Variants in CHN2 observed in about 807,000 individuals in gnomAD.
CHN2 encodes the protein chimerin 2.
In CHN2, 35 loss-of-function variants were observed where a neutral mutation model predicts 56.3. That is an observed-to-expected ratio of 0.62 (90% CI 0.47 to 0.82). The LOEUF is 0.82. Among genes scored for constraint, CHN2 ranks in the 40% least tolerant of loss-of-function variants. The pLI is 0.00. For missense variants in CHN2, 491 were observed against 580.5 expected (o/e 0.85, Z 1.58); for synonymous variants, 210 against 212.8 (o/e 0.99, Z 0.12).
chr7:29,426,758 G>A (rs897106899), intron 6 of CHN2, among the ~76,000 whole-genome samples: 2 of 152,198 alleles, frequency 1.3e-5, no homozygotes, highest in Non-Finnish European at 2.9e-5. Flanking sequence ...ACTCTTATCT[G>A]AGTGCTCTGG....
At chr7:29,488,792 G>A (rs1788330919) in intron 7 of CHN2, among the ~76,000 whole-genome samples, 2 of 152,062 alleles carry the variant, frequency 1.3e-5, no homozygotes, top group Admixed American at 1.3e-4. Context: ...GGCCAGCGAT[G>A]CTGCCAAACA....
chr7:29,419,273 T>C (rs970374193), intron 6 of CHN2, among the ~76,000 whole-genome samples: 6 of 152,206 alleles, frequency 3.9e-5, no homozygotes, highest in African/African-American at 1.2e-4. Flanking sequence ...TTGGGAATAC[T>C]GGATATTCAC....
chr7:29,400,395 G>T, intron 5 of CHN2, 148 bp from the exon 6 acceptor site: 1 of 725,302 alleles, frequency 1.4e-6, no homozygotes, highest in East Asian at 2.6e-5. Context: ...GGGTCTCTGT[G>T]AGCGTTAGGG....
intron 1 of CHN2, among the ~76,000 whole-genome samples, chr7:29,225,603 T>G (rs1012677539): frequency 2.0e-5 from 3 of 152,212 alleles, no homozygotes; most frequent in Non-Finnish European, 4.4e-5. Flanking sequence ...GTGCTGTAGT[T>G]TAGCATCGCT....
At chr7:29,188,447 A>G (rs1798981800) in intron 2 of CHN2, among the ~76,000 whole-genome samples, 3 of 152,344 alleles carry the variant, frequency 2.0e-5, no homozygotes, top group East Asian at 3.9e-4. Flanking sequence ...GTAAAAGGCC[A>G]AAATATGTTT....
intron 3 of CHN2, among the ~76,000 whole-genome samples, chr7:29,383,532 C>G (rs1385609651): frequency 6.6e-6 from 1 of 152,218 alleles, no homozygotes; most frequent in African/African-American, 2.4e-5. Flanking sequence ...TGGAGAAACA[C>G]CGTCCCAGAC....
At chr7:29,151,485 A>G (rs1036396877) in intron 2 of CHN2, among the ~76,000 whole-genome samples, 9 of 152,224 alleles carry the variant, frequency 5.9e-5, no homozygotes, top group African/African-American at 1.9e-4. Flanking sequence ...ATTAATATAG[A>G]CATGGCCACT....
At chr7:29,424,300 G>A (rs1257482155) in intron 6 of CHN2, among the ~76,000 whole-genome samples, 1 of 152,078 alleles carries the variant, frequency 6.6e-6, no homozygotes, top group Non-Finnish European at 1.5e-5. Flanking sequence ...AAGATGCCGG[G>A]GACATAGTAG....
intron 7 of CHN2, among the ~76,000 whole-genome samples, chr7:29,490,082 A>G (rs1333797709): frequency 2.0e-5 from 3 of 150,904 alleles, no homozygotes; most frequent in South Asian, 2.1e-4. Flanking sequence ...TCCACTCAAG[A>G]TGTTTCAGAG....
chr7:29,217,593 C>T (rs1785441609), intron 1 of CHN2, among the ~76,000 whole-genome samples: 2 of 152,260 alleles, frequency 1.3e-5, no homozygotes, highest in Admixed American at 6.5e-5. Context: ...ATCCTAACAG[C>T]GCTTTTTATA....
At chr7:29,159,338 T>G (rs564524762) in intron 2 of CHN2, among the ~76,000 whole-genome samples, 12 of 152,298 alleles carry the variant, frequency 7.9e-5, no homozygotes, top group African/African-American at 2.9e-4. Flanking sequence ...CCCAAATGCC[T>G]GCAGCATCCT....
chr7:29,267,330 C>T (rs984180744), intron 1 of CHN2, among the ~76,000 whole-genome samples: 3 of 151,786 alleles, frequency 2.0e-5, no homozygotes, highest in Non-Finnish European at 4.4e-5. Context: ...GCAACCTCTG[C>T]CTCCTGGGTT....
chr7:29,266,279 C>A (rs1402433909), intron 1 of CHN2, among the ~76,000 whole-genome samples: 1 of 152,210 alleles, frequency 6.6e-6, no homozygotes, highest in African/African-American at 2.4e-5. Flanking sequence ...TAACTCCTCC[C>A]TCCTCCCTCT....
chr7:29,507,421 T>G (rs1034098835), intron 11 of CHN2, 56 bp downstream of exon 11: 2 of 1,320,876 alleles, frequency 1.5e-6, no homozygotes, highest in Non-Finnish European at 2.1e-6. Context: ...ACAGTGCTTT[T>G]GACCTTCAGA....
At chr7:29,307,181 T>C (rs145655177) in intron 1 of CHN2, among the ~76,000 whole-genome samples, 1 of 152,326 alleles carries the variant, frequency 6.6e-6, no homozygotes, top group Non-Finnish European at 1.5e-5. Flanking sequence ...CAACTTACAA[T>C]CACTTCAGAT....
At chr7:29,227,692 G>A (rs1301137933) in intron 1 of CHN2, among the ~76,000 whole-genome samples, 1 of 152,164 alleles carries the variant, frequency 6.6e-6, no homozygotes, top group Non-Finnish European at 1.5e-5. Context: ...ATGGAGAACT[G>A]AATTCTGATT....
intron 2 of CHN2, among the ~76,000 whole-genome samples, chr7:29,165,822 A>G (rs1405610488): frequency 6.6e-6 from 1 of 152,138 alleles, no homozygotes; most frequent in Non-Finnish European, 1.5e-5. Flanking sequence ...TTTTAAGTGT[A>G]TTAATATGGT....
chr7:29,182,594 A>G (rs1798197916), intron 2 of CHN2, among the ~76,000 whole-genome samples: 1 of 152,242 alleles, frequency 6.6e-6, no homozygotes, highest in Admixed American at 6.5e-5. Flanking sequence ...AAAACTTTAA[A>G]ATATCAATTC....
chr7:29,480,928 A>C (rs1434913974), intron 7 of CHN2, among the ~76,000 whole-genome samples: 1 of 152,192 alleles, frequency 6.6e-6, no homozygotes, highest in East Asian at 1.9e-4. Flanking sequence ...TATCCTGCTC[A>C]CCAGACCAAA....
Sources: allele counts gnomAD v4.1 joint callset (sites outside exome capture counted in the v4.1 genomes callset), GRCh38; gene constraint gnomAD v4.1.1; transcripts MANE v1.5; gene names NCBI Gene and HGNC (gene_info 2026-07-23, HGNC 2026-07-21).